Variants in DCAKD observed in about 807,000 individuals in gnomAD.
The protein encoded by DCAKD is dephospho-CoA kinase domain-containing protein.
DCAKD carries 15 observed loss-of-function variants against 18.7 expected under a neutral mutation model. The ratio of observed to expected loss-of-function variants is 0.80; its 90% CI spans 0.54 to 1.24. DCAKD has a LOEUF of 1.24. Ranked by LOEUF, DCAKD falls within the 50% of genes most tolerant of loss-of-function variation. DCAKD has a pLI of 0.00. For synonymous variants in DCAKD, 130 were observed against 133.0 expected (o/e 0.98, Z 0.16); for missense variants, 301 against 322.0 (o/e 0.93, Z 0.50).
At chr17:45,027,661 T>C (rs376256219) in intron 4 of DCAKD, among the ~76,000 whole-genome samples, 5 of 152,020 alleles carry the variant, frequency 3.3e-5, no homozygotes, top group African/African-American at 1.2e-4. Flanking sequence ...CATGGCCACC[T>C]CTGCTCTCGG....
chr17:45,052,816 T>G (rs531625289), upstream of DCAKD, among the ~76,000 whole-genome samples: 2 of 150,154 alleles, frequency 1.3e-5, no homozygotes, highest in Non-Finnish European at 3.0e-5. Flanking sequence ...AGAGCCATGA[T>G]GGTACCACTG....
At chr17:45,045,588 C>T (rs563844013) in intron 1 of DCAKD, among the ~76,000 whole-genome samples, 7 of 151,880 alleles carry the variant, frequency 4.6e-5, no homozygotes, top group Admixed American at 2.0e-4. Flanking sequence ...AAAAGTTAGC[C>T]GGGCGTGGTG....
intron 1 of DCAKD, among the ~76,000 whole-genome samples, chr17:45,058,512 C>G (rs1597993799): frequency 6.6e-6 from 1 of 152,002 alleles, no homozygotes; most frequent in East Asian, 2.0e-4. Flanking sequence ...CTCCGCCTCC[C>G]AGGTTCAAAA....
At chr17:45,045,593 G>A (rs1025206427) in intron 1 of DCAKD, among the ~76,000 whole-genome samples, 18 of 151,944 alleles carry the variant, frequency 1.2e-4, no homozygotes, top group South Asian at 2.1e-4. Context: ...TTAGCCGGGC[G>A]TGGTGGCGTG....
At chr17:45,034,484 G>C (rs900599946) in intron 2 of DCAKD, 94 bp from the exon 3 acceptor site, 7 of 1,434,968 alleles carry the variant, frequency 4.9e-6, no homozygotes, top group African/African-American at 1.4e-5. Context: ...GGGGAACTCG[G>C]GTGCTTCTTT....
chr17:45,032,240 G>T, intron 3 of DCAKD: 1 of 510,282 alleles, frequency 2.0e-6, no homozygotes, highest in Non-Finnish European at 2.5e-6. Flanking sequence ...CCAGAGGGAG[G>T]ACTCTTCTTG....
intron 1 of DCAKD, among the ~76,000 whole-genome samples, chr17:45,037,264 G>A (rs1180405995): frequency 6.6e-6 from 1 of 152,052 alleles, no homozygotes; most frequent in Admixed American, 6.6e-5. Flanking sequence ...CCAGGAGTTC[G>A]AGGCCAGCCT....
rs763605617 is a variant in DCAKD, at chr17:45,024,589, G to A, written c.540C>T (p.Gly180=). ...RMARHVLDNS[G]EWSVTKRQVI... ...CCTGGCGTTTGGTGACACTCCACTC[G>A]CCCGAGTTGTCTAGGACATGGCGGG... The change falls in exon 5 of 5, where the codon GGC becomes GGT. Residue 180 remains glycine, a synonymous_variant. Coordinates refer to ENST00000651974, the MANE Select transcript of DCAKD (RefSeq NM_001288655.2). 12 of 1,614,020 alleles carry A rather than the reference G, an allele frequency of 7.4e-6. No homozygotes were observed. Among genetic ancestry groups the A allele is most frequent in the South Asian group, 4.4e-5 (4 of 91,082 alleles).
Position 45,024,253 on chromosome 17 carries a change from T to C in DCAKD, c.*180A>G. On this transcript the variant is annotated 3_prime_UTR_variant, in exon 5 of 5. Coordinates refer to ENST00000651974, the MANE Select transcript of DCAKD (RefSeq NM_001288655.2). ...GATACACTCCAAAGACGGGATGGCC[T>C]GGCACAGAGGCCCAGCCCTGATTCG... 1.3e-6 allele frequency: 1 copy of C among 790,676 alleles called. No homozygotes were observed. 49.0% of individuals were successfully genotyped at this position (790,676 alleles called of 1,614,324 possible). A position where few individuals can be genotyped will look rare whatever the true frequency, so the allele number is the denominator to read the frequency against.
chr17:45,034,867 T>A lies in DCAKD; in HGVS notation c.19A>T (p.Thr7Ser), dbSNP rs973708564. The A allele has an allele frequency of 6.2e-7, 1 of 1,613,830 alleles. No individual in the cohort carries two copies. Among genetic ancestry groups the A allele is most frequent in the Non-Finnish European group, 8.5e-7 (1 of 1,179,726 alleles). The change falls in exon 2 of 5, where the codon ACA (threonine) becomes TCA (serine). Residue 7 changes from threonine to serine, a missense_variant. By Grantham distance (58) the Thr-to-Ser change is moderately conservative. Transcript: ENST00000651974. ...CTCTTGCCTGAGGCAATGCCCCCTG[T>A]CAGGCCCACCAGAAACATCTTCCAG... MFLVGL[T>S]GGIASGKSSV...
chr17:45,034,673 CT>C, intron 2 of DCAKD, 100 bp downstream of exon 2: 1 of 1,269,590 alleles, frequency 7.9e-7, no homozygotes, highest in Non-Finnish European at 1.1e-6. Flanking sequence ...CAACAGGAGC[CT>C]TCCCCTCCTC....
chr17:45,044,709 A>C (rs906919965), intron 1 of DCAKD, among the ~76,000 whole-genome samples: 1,871 of 96,468 alleles, frequency 0.019, 43 homozygotes, highest in African/African-American at 0.051. Flanking sequence ...ATAAATAAAT[A>C]AATAAATAAA....
chr17:45,030,206 G>A (rs2053147066), intron 3 of DCAKD, 27 bp from the exon 4 acceptor site: 4 of 1,601,468 alleles, frequency 2.5e-6, no homozygotes, highest in Non-Finnish European at 3.4e-6. Context: ...AATCCCCCAA[G>A]TTCAATTCTG....
intron 3 of DCAKD, chr17:45,033,964 G>A: frequency 6.3e-7 from 1 of 1,577,310 alleles, no homozygotes; most frequent in Non-Finnish European, 8.6e-7. Flanking sequence ...AAAGCCTCAT[G>A]TGTCTCTTCT....
intron 3 of DCAKD, chr17:45,031,596 G>A: frequency 1.0e-6 from 1 of 985,348 alleles, no homozygotes; most frequent in Non-Finnish European, 1.2e-6. Context: ...TCCCTAACTT[G>A]GAGCAGAAGC....
At position 45,034,942 on chromosome 17, in the gene DCAKD, G is replaced by A. The variant is rs2053260261; in HGVS notation, c.-57C>T. Reference sequence around the variant, plus strand: ...CGGAGCCAGGAGCTACAGAATCACTGGAGAGCAGGGCAAGTGTGGCCGATG... The same window carrying A: ...CGGAGCCAGGAGCTACAGAATCACTAGAGAGCAGGGCAAGTGTGGCCGATG... On this transcript the variant is annotated 5_prime_UTR_variant, in exon 2 of 5. Transcript: ENST00000651974. 6.3e-7 allele frequency: 1 copy of A among 1,583,740 alleles called. No homozygotes were observed. The highest frequency in any genetic ancestry group is 1.7e-5 in the Admixed American group (1 of 57,992).
At chr17:45,031,996 T>G in intron 3 of DCAKD, 17 of 985,412 alleles carry the variant, frequency 1.7e-5, no homozygotes, top group Non-Finnish European at 1.9e-5. Context: ...GTGGTGGTGG[T>G]TGGGGAGGCG....
chr17:45,030,477 G>A (rs769647274), intron 3 of DCAKD, among the ~76,000 whole-genome samples: 4 of 152,224 alleles, frequency 2.6e-5, no homozygotes, highest in African/African-American at 4.8e-5. Context: ...AGGATTCCAC[G>A]AATGAGAACC....
At chr17:45,046,927 A>C (rs1196763566) in intron 1 of DCAKD, among the ~76,000 whole-genome samples, 1 of 152,178 alleles carries the variant, frequency 6.6e-6, no homozygotes, top group African/African-American at 2.4e-5. Context: ...GCAATTCAAA[A>C]GGTCAGTATT....
Sources: gnomAD v4.1 joint callset for allele counts (sites outside exome capture counted in the v4.1 genomes callset) on GRCh38, gnomAD v4.1.1 for gene constraint, MANE v1.5 for transcripts, NCBI Gene and HGNC (gene_info 2026-07-23, HGNC 2026-07-21) for gene names.